DGKZ: variants seen among roughly 807,000 people sequenced by gnomAD.
DGKZ encodes the protein DAG kinase zeta.
DGKZ carries 45 observed loss-of-function variants against 142.5 expected under a neutral mutation model. That is an observed-to-expected ratio of 0.32 (90% CI 0.25 to 0.40). The LOEUF (loss-of-function observed/expected upper bound fraction) is 0.40, where lower values mean the gene tolerates loss of function less well. Ranked by LOEUF, DGKZ falls within the 10% of genes least tolerant of loss-of-function variation. DGKZ has a pLI of 1.00. For missense variants in DGKZ, 755 were observed against 1,306.5 expected (o/e 0.58, Z 6.51); for synonymous variants, 442 against 527.0 (o/e 0.84, Z 2.21).
intron 1 of DGKZ, among the ~76,000 whole-genome samples, chr11:46,333,671 T>C (rs1939875578): frequency 6.6e-6 from 1 of 152,184 alleles, no homozygotes; most frequent in South Asian, 2.1e-4. Flanking sequence ...ACTCCTTCTC[T>C]GCCTGAACCG....
chr11:46,372,335 G>T lies in DGKZ; in HGVS notation c.928-93G>T. The T allele has an allele frequency of 6.9e-7, 1 of 1,442,686 alleles. No homozygotes were observed. Among genetic ancestry groups the T allele is most frequent in the Non-Finnish European group, 9.7e-7 (1 of 1,033,766 alleles). 89.4% of individuals were successfully genotyped at this position (1,442,686 alleles called of 1,614,324 possible). On this transcript the variant is annotated intron_variant, in intron 10 of 30. Transcript: ENST00000527911. The surrounding 1 kb of genome is among the most constrained non-coding windows in gnomAD (Gnocchi z 5.9). Reference sequence around the variant, plus strand: ...TTTCTCCACCCCTCACCCCTTATTGGCCCTGGTTCCCACAGTCACACCCCT... The same window carrying T: ...TTTCTCCACCCCTCACCCCTTATTGTCCCTGGTTCCCACAGTCACACCCCT...
At chr11:46,347,306 G>T, upstream of DGKZ, 1 of 984,980 alleles carries the variant, frequency 1.0e-6, no homozygotes, top group Middle Eastern at 5.2e-4. This position sits in a 1 kb window ranked among gnomAD's most constrained non-coding sequence, Gnocchi z 6.4. Flanking sequence ...CCCATTCGTC[G>T]CCCCGCCCCT....
At position 46,372,677 on chromosome 11, in the gene DGKZ, G is replaced by A. The variant is rs370717347; in HGVS notation, c.1071G>A (p.Thr357=). Residue 357 remains threonine, a splice_region_variant and synonymous_variant, in exon 12 of 31, where the codon ACG becomes ACA. Coordinates refer to ENST00000527911, the Ensembl canonical transcript of DGKZ. This position sits in a 1 kb window ranked among gnomAD's most constrained non-coding sequence, Gnocchi z 5.9. Reference sequence around the variant, plus strand: ...TCCTGGCGTGCGGGGGCGACGGCACGGTGAGCTCCCCGCATGGGCCAGCCG... The same window carrying A: ...TCCTGGCGTGCGGGGGCGACGGCACAGTGAGCTCCCCGCATGGGCCAGCCG... 2.5e-6 allele frequency: 4 copies of A among 1,613,236 alleles called. No homozygotes were observed. Among genetic ancestry groups the A allele is most frequent in the Non-Finnish European group, 3.4e-6 (4 of 1,179,916 alleles).
upstream of DGKZ, among the ~76,000 whole-genome samples, chr11:46,346,498 C>A (rs1019463591): frequency 6.6e-6 from 1 of 152,130 alleles, no homozygotes; most frequent in Non-Finnish European, 1.5e-5. Context: ...AGGGGGACGG[C>A]CTCGGCTGCA....
At chr11:46,356,214 A>G (rs1243149012) in intron 1 of DGKZ, among the ~76,000 whole-genome samples, 1 of 152,014 alleles carries the variant, frequency 6.6e-6, no homozygotes, top group Admixed American at 6.5e-5. Flanking sequence ...GCTAAGGGAG[A>G]TATATTGGCA....
At chr11:46,351,553 C>T (rs1941382841) in intron 1 of DGKZ, among the ~76,000 whole-genome samples, 3 of 152,182 alleles carry the variant, frequency 2.0e-5, no homozygotes, top group South Asian at 2.1e-4. Flanking sequence ...TGTTGAGGGA[C>T]GCCTCTTTTG....
At chr11:46,379,842 C>CCGGCAG in exon 31 of DGKZ, 1 of 1,610,138 alleles carries the variant, frequency 6.2e-7, no homozygotes, top group Non-Finnish European at 8.5e-7. Flanking sequence ...GCGACACTCC[C>CCGGCAG]CGGCAGCGGG....
At chr11:46,361,555 G>A (rs1267833472) in intron 1 of DGKZ, 1 of 846,178 alleles carries the variant, frequency 1.2e-6, no homozygotes, top group African/African-American at 1.8e-5. Flanking sequence ...CTGCAGGGAG[G>A]AGGGTGACAA....
chr11:46,375,777 G>A, intron 20 of DGKZ, 74 bp from the exon 21 acceptor site: 1 of 1,528,876 alleles, frequency 6.5e-7, no homozygotes, highest in East Asian at 2.5e-5. Flanking sequence ...TCGGCAAGTG[G>A]TTTGGTGCCA....
intron 1 of DGKZ, among the ~76,000 whole-genome samples, chr11:46,341,104 T>C (rs1940255917): frequency 6.6e-6 from 1 of 152,200 alleles, no homozygotes; most frequent in Non-Finnish European, 1.5e-5. Context: ...GCTGAGATCA[T>C]GCCACTGCAC....
Position 46,367,265 on chromosome 11 carries a change from C to A in DGKZ, c.162-26C>A. 1 of 1,595,760 alleles carries A rather than the reference C, an allele frequency of 6.3e-7. No individual in the cohort carries two copies. The highest frequency in any genetic ancestry group is 8.6e-7 in the Non-Finnish European group (1 of 1,166,360). On this transcript the variant is annotated intron_variant, in intron 1 of 30. Coordinates refer to ENST00000527911, the Ensembl canonical transcript of DGKZ. The surrounding 1 kb of genome is among the most constrained non-coding windows in gnomAD (Gnocchi z 4.1). Reference sequence around the variant, plus strand: ...GTAGGGTCAGCAAGTGCTCAGCCCCCTCCTCAGCTGTCTTCTCCTCTCTAG... The same window carrying A: ...GTAGGGTCAGCAAGTGCTCAGCCCCATCCTCAGCTGTCTTCTCCTCTCTAG...
chr11:46,333,194 C>T (rs1264113326), exon 1 of DGKZ: 1 of 1,177,340 alleles, frequency 8.5e-7, no homozygotes, highest in African/African-American at 1.6e-5. Flanking sequence ...GCCTCGCGTC[C>T]CCGGCCCGGG....
intron 1 of DGKZ, chr11:46,366,918 C>T (rs1456380171): frequency 6.5e-7 from 1 of 1,544,698 alleles, no homozygotes; most frequent in Non-Finnish European, 8.7e-7. Context: ...CGCCCACTGT[C>T]CCGCAGGCGC....
chr11:46,376,055 C>G lies in DGKZ; in HGVS notation c.2012-11C>G, dbSNP rs368214072. ...GTGCAGCCAGCTGCTGACAGGTGCT[C>G]TGTTCTCCAGCTGTGCCGCTGGGCA... On this transcript the variant is annotated splice_polypyrimidine_tract_variant and intron_variant, in intron 21 of 30. Transcript: ENST00000527911. 8.7e-6 allele frequency: 14 copies of G among 1,612,190 alleles called. No individual in the cohort carries two copies. Among genetic ancestry groups the G allele is most frequent in the Non-Finnish European group, 1.0e-5 (12 of 1,179,940 alleles).
Position 46,367,556 on chromosome 11 carries a change from A to G in DGKZ, c.271-96A>G. On this transcript the variant is annotated intron_variant, in intron 2 of 30. Coordinates refer to ENST00000527911, the Ensembl canonical transcript of DGKZ. This position sits in a 1 kb window ranked among gnomAD's most constrained non-coding sequence, Gnocchi z 4.1. Reference sequence around the variant, plus strand: ...AGAGCAGGGTCGATCGGGGCGCTGGAGTGGGTTTGTCTTGGGAGAGGGCGG... The same window carrying G: ...AGAGCAGGGTCGATCGGGGCGCTGGGGTGGGTTTGTCTTGGGAGAGGGCGG... The G allele has an allele frequency of 1.3e-6, 1 of 788,220 alleles. No individual in the cohort carries two copies. The highest frequency in any genetic ancestry group is 1.6e-6 in the Non-Finnish European group (1 of 623,414). The allele number at this position is 788,220 out of a possible 1,614,324, so 48.8% of individuals were successfully genotyped here.
intron 1 of DGKZ, among the ~76,000 whole-genome samples, chr11:46,358,303 A>T (rs1165565236): frequency 6.6e-6 from 1 of 152,156 alleles, no homozygotes; most frequent in African/African-American, 2.4e-5. Context: ...ATATCTTCTG[A>T]TATTTTACAT....
At chr11:46,379,432 A>AC in intron 29 of DGKZ, 37 bp from the exon 30 acceptor site, 3 of 1,594,588 alleles carry the variant, frequency 1.9e-6, no homozygotes, top group Non-Finnish European at 2.6e-6. Flanking sequence ...GGATCAGGGG[A>AC]CGGGATGGGG....
intron 5 of DGKZ, 131 bp downstream of exon 5, chr11:46,369,681 T>G (rs1943724877): frequency 5.5e-6 from 7 of 1,282,408 alleles, no homozygotes; most frequent in Non-Finnish European, 7.8e-6. Flanking sequence ...CTGTCTGAGG[T>G]CTGCCATGCG....
rs777080542 is a variant in DGKZ, at chr11:46,372,383, G to T, written c.928-45G>T. On this transcript the variant is annotated intron_variant, in intron 10 of 30. Transcript: ENST00000527911. The surrounding 1 kb of genome is among the most constrained non-coding windows in gnomAD (Gnocchi z 5.9). Reference sequence around the variant, plus strand: ...CCTCTCCCTCTGCTGCTCCCACTTCGTCCCACCACTGCCTGACTGTCTCTT... The same window carrying T: ...CCTCTCCCTCTGCTGCTCCCACTTCTTCCCACCACTGCCTGACTGTCTCTT... 4 of 1,602,998 alleles carry T rather than the reference G, an allele frequency of 2.5e-6. No individual in the cohort carries two copies. In the Admixed American group the frequency reaches 6.7e-5, roughly 27 times the overall value.
Sources: gnomAD v4.1 joint callset for allele counts (sites outside exome capture counted in the v4.1 genomes callset) on GRCh38, gnomAD v4.1.1 for gene constraint, Gnocchi (gnomAD v3.1) non-coding constraint, MANE v1.5 for transcripts, NCBI Gene and HGNC (gene_info 2026-07-23, HGNC 2026-07-21) for gene names.